Variants in AGBL4 observed in about 807,000 individuals in gnomAD.
AGBL4 encodes AGBL carboxypeptidase 4, also known as cytosolic carboxypeptidase 6.
AGBL4 carries 58 observed loss-of-function variants against 66.4 expected under a neutral mutation model. The ratio of observed to expected loss-of-function variants is 0.87; its 90% CI spans 0.71 to 1.09. The LOEUF is 1.09. Among genes scored for constraint, AGBL4 ranks in the 50% least tolerant of loss-of-function variants. The probability of loss-of-function intolerance (pLI) is 0.00; values close to 1 mark genes in which losing one functional copy is unlikely to be tolerated. For missense variants in AGBL4, 579 were observed against 631.0 expected (o/e 0.92, Z 0.88); for synonymous variants, 234 against 222.9 (o/e 1.05, Z -0.44).
chr1:49,700,297 A>AG (rs1647063864), intron 2 of AGBL4, among the ~76,000 whole-genome samples: 2 of 110,642 alleles, frequency 1.8e-5, no homozygotes, highest in South Asian at 5.7e-4. Context: ...TAAAAACATT[A>AG]AATAGATAGA....
At chr1:49,807,980 T>C (rs934241243) in intron 2 of AGBL4, among the ~76,000 whole-genome samples, 2 of 152,208 alleles carry the variant, frequency 1.3e-5, no homozygotes, top group African/African-American at 4.8e-5. Context: ...TGCCTTGACC[T>C]AGGACTTTCC....
At chr1:49,751,030 C>A (rs775268959) in intron 2 of AGBL4, among the ~76,000 whole-genome samples, 10 of 152,178 alleles carry the variant, frequency 6.6e-5, no homozygotes, top group Non-Finnish European at 1.3e-4. Flanking sequence ...ATGTCATCTG[C>A]AAACAGAGAT....
chr1:48,836,516 T>A (rs1333029815), intron 6 of AGBL4, among the ~76,000 whole-genome samples: 1 of 151,884 alleles, frequency 6.6e-6, no homozygotes, highest in Non-Finnish European at 1.5e-5. Context: ...ACACCTTGAA[T>A]CAGGGCTATG....
At position 49,756,473 on chromosome 1, in the gene AGBL4, T is replaced by A. The variant is rs146696005; in HGVS notation, c.158-59036A>T. Among the ~76,000 whole-genome samples the A allele has an allele frequency of 4.8e-4, 73 of 152,358 alleles. No individual in the cohort carries two copies. In the East Asian group the frequency reaches 0.013, roughly 26 times the overall value. ...CTCTGGTTGAAGACAGATTCTAAGA[T>A]GCCTTTTAATAACATGAAAGAATGC... is the stretch of plus-strand genomic sequence containing the variant. On this transcript the variant is annotated intron_variant, in intron 2 of 13. Transcript: ENST00000371839.
At chr1:49,165,529 G>A (rs1214097244) in intron 4 of AGBL4, among the ~76,000 whole-genome samples, 1 of 151,854 alleles carries the variant, frequency 6.6e-6, no homozygotes, top group Non-Finnish European at 1.5e-5. Context: ...CTAGGCAACT[G>A]GCATTAAATT....
In AGBL4 at chr1:48,816,088, T is replaced by TA. The variant is rs879771072; in HGVS notation, c.634+51102_634+51103insT. Among the ~76,000 whole-genome samples the TA allele has an allele frequency of 6.0e-3, 627 of 104,022 alleles. 8 individuals carry two copies. Among genetic ancestry groups the TA allele is most frequent in the East Asian group, 0.031 (100 of 3,220 alleles). 68.2% of individuals were successfully genotyped at this position (104,022 alleles called of 152,430 possible). ...GTGTGTGTGTGTGTGTGTGTGTGTG[T>TA]GTGTAGAGAGAAAGAGAGAGAGACA... is the stretch of plus-strand genomic sequence containing the variant. On this transcript the variant is annotated intron_variant, in intron 6 of 13. Coordinates refer to ENST00000371839, the MANE Select transcript of AGBL4 (RefSeq NM_032785.4).
rs548708489 is a variant in AGBL4 at position 48,792,440 on chromosome 1, G to A, written c.634+74751C>T. ...TTGGGAGATATGCAAGGGAGCAAATGCAATAATTCCAACAGAATAAATGAT... is the reference window on the plus strand; with the variant it reads ...TTGGGAGATATGCAAGGGAGCAAATACAATAATTCCAACAGAATAAATGAT... On this transcript the variant is annotated intron_variant, in intron 6 of 13. Coordinates refer to ENST00000371839, the MANE Select transcript of AGBL4 (RefSeq NM_032785.4). 2.0e-5 allele frequency among the ~76,000 whole-genome samples: 3 copies of A among 152,316 alleles called. No homozygotes were observed. In the South Asian group the frequency reaches 6.2e-4, roughly 32 times the overall value.
At chr1:49,140,657 A>G (rs993596085) in intron 4 of AGBL4, among the ~76,000 whole-genome samples, 2 of 152,182 alleles carry the variant, frequency 1.3e-5, no homozygotes, top group Non-Finnish European at 2.9e-5. Flanking sequence ...CAAAATTCCA[A>G]TTGCTGGTGA....
At chr1:48,659,773 C>G (rs1374690754) in intron 7 of AGBL4, among the ~76,000 whole-genome samples, 1 of 152,228 alleles carries the variant, frequency 6.6e-6, no homozygotes. Context: ...CAAAGTGCCT[C>G]ATGGAGGCCC....
intron 1 of AGBL4, among the ~76,000 whole-genome samples, chr1:49,916,695 C>A (rs1235884314): frequency 6.6e-6 from 1 of 152,124 alleles, no homozygotes; most frequent in Non-Finnish European, 1.5e-5. Context: ...CCCAACCTAG[C>A]AAGGCAGGCC....
At chr1:49,831,805 A>G (rs907205606) in intron 2 of AGBL4, among the ~76,000 whole-genome samples, 1 of 152,062 alleles carries the variant, frequency 6.6e-6, no homozygotes, top group Non-Finnish European at 1.5e-5. Flanking sequence ...GTTTATTGAG[A>G]GTTTTTAGCA....
At chr1:48,780,055 T>G (rs1018833465) in intron 6 of AGBL4, among the ~76,000 whole-genome samples, 14 of 151,696 alleles carry the variant, frequency 9.2e-5, no homozygotes, top group Non-Finnish European at 1.6e-4. Context: ...CACTTTAAGC[T>G]CTGGTATACA....
chr1:49,859,827 T>C (rs1325831061), intron 1 of AGBL4, among the ~76,000 whole-genome samples: 1 of 151,968 alleles, frequency 6.6e-6, no homozygotes, highest in African/African-American at 2.4e-5. Context: ...AACAGAATTG[T>C]CTAGAGAAAA....
intron 2 of AGBL4, among the ~76,000 whole-genome samples, chr1:49,728,953 C>T (rs1308170688): frequency 1.3e-5 from 2 of 152,194 alleles, no homozygotes; most frequent in Admixed American, 6.5e-5. Context: ...TCAAATGCTT[C>T]GCCTATACAC....
chr1:49,498,131 A>C (rs1647779756), intron 3 of AGBL4, among the ~76,000 whole-genome samples: 1 of 151,474 alleles, frequency 6.6e-6, no homozygotes, highest in East Asian at 1.9e-4. Context: ...TTTTTTGTAG[A>C]TGTTGTAAAA....
intron 3 of AGBL4, among the ~76,000 whole-genome samples, chr1:49,333,729 A>G (rs888075378): frequency 6.6e-5 from 10 of 152,188 alleles, no homozygotes; most frequent in Non-Finnish European, 1.0e-4. Flanking sequence ...TAAATTTAAA[A>G]TTAAAGACTG....
chr1:48,575,802 C>A (rs2148324106), intron 11 of AGBL4, among the ~76,000 whole-genome samples: 1 of 152,318 alleles, frequency 6.6e-6, no homozygotes, highest in African/African-American at 2.4e-5. Context: ...AACTGTCCTG[C>A]AGTCACTCTC....
chr1:48,981,871 G>A (rs1334306730), intron 5 of AGBL4, among the ~76,000 whole-genome samples: 1 of 152,190 alleles, frequency 6.6e-6, no homozygotes, highest in East Asian at 1.9e-4. Flanking sequence ...ACACCAGCCT[G>A]GACAAGAGCG....
intron 1 of AGBL4, among the ~76,000 whole-genome samples, chr1:49,875,665 T>C (rs1219238097): frequency 6.1e-5 from 9 of 147,136 alleles, no homozygotes; most frequent in African/African-American, 1.3e-4. Flanking sequence ...CATTTGGGTA[T>C]ATACCCAGTA....
Sources: gnomAD v4.1 joint callset for allele counts (sites outside exome capture counted in the v4.1 genomes callset) on GRCh38, gnomAD v4.1.1 for gene constraint, MANE v1.5 for transcripts, NCBI Gene and HGNC (gene_info 2026-07-23, HGNC 2026-07-21) for gene names.